Variants in KIF16B observed in about 807,000 individuals in gnomAD.
KIF16B encodes kinesin-like protein KIF16B.
A neutral mutation model predicts 156.3 loss-of-function variants in KIF16B; 98 were observed. The observed-to-expected ratio is 0.63, with a 90% CI of 0.53 to 0.74. The LOEUF is 0.74. KIF16B is among the 30% of genes least tolerant of loss of function. The probability of loss-of-function intolerance (pLI) is 0.00; values close to 1 mark genes in which losing one functional copy is unlikely to be tolerated. For synonymous variants in KIF16B, 564 were observed against 583.7 expected (o/e 0.97, Z 0.49); for missense variants, 1,421 against 1,606.5 (o/e 0.88, Z 1.97).
chr20:16,392,527 G>T (rs1346105049), intron 17 of KIF16B, among the ~76,000 whole-genome samples: 3 of 152,218 alleles, frequency 2.0e-5, no homozygotes, highest in Admixed American at 2.0e-4. Flanking sequence ...CCTCTGCCAT[G>T]ACGATACACT....
At chr20:16,371,608 GA>G (rs1568898871) in intron 21 of KIF16B, 56 bp downstream of exon 21, 1 of 954,258 alleles carries the variant, frequency 1.0e-6, no homozygotes, top group African/African-American at 1.7e-5. Flanking sequence ...AAAAAAAAAG[GA>G]AAAAAGAAAG....
intron 1 of KIF16B, among the ~76,000 whole-genome samples, chr20:16,531,577 C>A (rs2069750894): frequency 6.6e-6 from 1 of 152,070 alleles, no homozygotes; most frequent in Non-Finnish European, 1.5e-5. Context: ...CTAGAGCTGC[C>A]CTATAGGGAA....
intron 11 of KIF16B, among the ~76,000 whole-genome samples, chr20:16,496,095 C>T (rs62199778): frequency 0.011 from 1,739 of 152,294 alleles, 15 homozygotes; most frequent in Middle Eastern, 0.065. Flanking sequence ...CCTACAGACT[C>T]CTGATAGCAA....
chr20:16,308,828 A>G (rs928453186), intron 25 of KIF16B, among the ~76,000 whole-genome samples: 3 of 152,258 alleles, frequency 2.0e-5, no homozygotes, highest in Admixed American at 1.3e-4. Context: ...CTCACTGAAA[A>G]TACATTAAGA....
rs1205025409 is a variant in KIF16B at position 16,398,204 on chromosome 20, G to A, written c.1784+6609C>T. Among the ~76,000 whole-genome samples, 3 of 152,146 alleles carry A rather than the reference G, an allele frequency of 2.0e-5. No homozygotes were observed. In the East Asian group the frequency reaches 5.8e-4, roughly 29 times the overall value. On this transcript the variant is annotated intron_variant, in intron 17 of 25. Coordinates refer to ENST00000354981, the MANE Select transcript of KIF16B (RefSeq NM_024704.5). ...GGACTGGCCAAGGGAAGAAGAGGGG[G>A]AAGGCGTCACAGACAGTATTACAGA...
intron 23 of KIF16B, among the ~76,000 whole-genome samples, chr20:16,339,067 C>T (rs762136967): frequency 4.1e-4 from 63 of 152,104 alleles, no homozygotes; most frequent in Admixed American, 7.9e-4. Flanking sequence ...AATAATGGTG[C>T]GTTTAAATGC....
At chr20:16,525,563 T>C (rs1034981586) in intron 3 of KIF16B, among the ~76,000 whole-genome samples, 5 of 152,224 alleles carry the variant, frequency 3.3e-5, no homozygotes, top group African/African-American at 4.8e-5. Context: ...CTTAAAAGCC[T>C]ACAGGCAAGA....
chr20:16,422,174 C>T (rs1021045258), intron 15 of KIF16B, among the ~76,000 whole-genome samples: 1 of 152,036 alleles, frequency 6.6e-6, no homozygotes, highest in Admixed American at 6.6e-5. Context: ...AGGTAATCAT[C>T]GCTATATAAA....
intron 3 of KIF16B, among the ~76,000 whole-genome samples, chr20:16,523,967 G>C (rs1398981326): frequency 6.6e-6 from 1 of 152,184 alleles, no homozygotes; most frequent in Non-Finnish European, 1.5e-5. Flanking sequence ...AAACTGGCTA[G>C]CCATATGCAG....
At chr20:16,560,802 G>C (rs1030009462) in intron 1 of KIF16B, among the ~76,000 whole-genome samples, 5 of 151,930 alleles carry the variant, frequency 3.3e-5, no homozygotes, top group African/African-American at 1.2e-4. Context: ...AAGAAAAAAA[G>C]CTCTAACCAG....
chr20:16,413,787 C>T (rs2066017968), intron 15 of KIF16B, among the ~76,000 whole-genome samples: 1 of 150,670 alleles, frequency 6.6e-6, no homozygotes. Context: ...TGAAAGCAAG[C>T]TCAGTGGAAG....
At chr20:16,378,611 C>T (rs2065008008) in intron 19 of KIF16B, among the ~76,000 whole-genome samples, 194 bp downstream of exon 19, 1 of 151,584 alleles carries the variant, frequency 6.6e-6, no homozygotes, top group Non-Finnish European at 1.5e-5. Context: ...AAGAAGGACA[C>T]TAAGGAGAAA....
rs1367175432 is a variant in KIF16B at position 16,395,997 on chromosome 20, C to T, written c.1784+8816G>A. 3.3e-5 allele frequency among the ~76,000 whole-genome samples: 5 copies of T among 152,178 alleles called. No homozygotes were observed. In the East Asian group the frequency reaches 9.6e-4, roughly 29 times the overall value. ...CCTGGCAATTCTACAGCTACTTCCT[C>T]CCCGCTGAGGAATTAATCATGAGAA... On this transcript the variant is annotated intron_variant, in intron 17 of 25. Transcript: ENST00000354981.
chr20:16,410,845 G>C (rs1055584209), intron 15 of KIF16B, among the ~76,000 whole-genome samples: 1 of 152,166 alleles, frequency 6.6e-6, no homozygotes, highest in South Asian at 2.1e-4. Context: ...TTACATTTAC[G>C]CATGCCTGCT....
intron 22 of KIF16B, chr20:16,367,466 T>G (rs550539253): frequency 1.4e-5 from 22 of 1,612,918 alleles, no homozygotes; most frequent in Non-Finnish European, 2.5e-6. Context: ...CGAGATCGAA[T>G]GCGTGGATAA....
chr20:16,370,519 A>G, intron 22 of KIF16B, 67 bp downstream of exon 22: 1 of 1,308,340 alleles, frequency 7.6e-7, no homozygotes, highest in South Asian at 1.4e-5. Flanking sequence ...AGACATTAAG[A>G]AAATGTAATC....
chr20:16,507,846 T>C, intron 7 of KIF16B, 112 bp downstream of exon 7: 1 of 1,121,224 alleles, frequency 8.9e-7, no homozygotes, highest in Non-Finnish European at 1.3e-6. Flanking sequence ...TGACAGTCAG[T>C]CACCTTTACC....
intron 12 of KIF16B, among the ~76,000 whole-genome samples, chr20:16,469,723 G>T (rs2067604869): frequency 6.6e-6 from 1 of 152,138 alleles, no homozygotes; most frequent in Non-Finnish European, 1.5e-5. Context: ...CACTGCTGGT[G>T]GGAATGCAAA....
intron 1 of KIF16B, among the ~76,000 whole-genome samples, chr20:16,545,254 G>C (rs1206437796): frequency 6.6e-6 from 1 of 152,084 alleles, no homozygotes; most frequent in Non-Finnish European, 1.5e-5. Flanking sequence ...ATTTAGGCCG[G>C]GTGCAGTGGC....
Sources: allele counts gnomAD v4.1 joint callset (sites outside exome capture counted in the v4.1 genomes callset), GRCh38; gene constraint gnomAD v4.1.1; transcripts MANE v1.5; gene names NCBI Gene and HGNC (gene_info 2026-07-23, HGNC 2026-07-21).